Variants in FMO1 observed in about 807,000 individuals in gnomAD.
FMO1 encodes flavin-containing monooxygenase 1.
In FMO1, 36 loss-of-function variants were observed where a neutral mutation model predicts 45.4. That is an observed-to-expected ratio of 0.79 (90% confidence interval 0.61 to 1.05). The LOEUF (loss-of-function observed/expected upper bound fraction) is 1.05. FMO1 is among the 50% of genes least tolerant of loss of function. The pLI, the probability that FMO1 is intolerant of heterozygous loss-of-function variation, is 0.00. For synonymous variants in FMO1, 228 were observed against 227.2 expected, an observed-to-expected ratio of 1.00 and a Z score of -0.03; for missense variants, 615 against 640.3, an observed-to-expected ratio of 0.96 and a Z score of 0.43.
intron 8 of FMO1, 94 bp downstream of exon 8, chr1:171,283,310 GAA>G (rs28360426): frequency 3.0e-6 from 1 of 335,602 alleles, no homozygotes; most frequent in African/African-American, 3.9e-5. Flanking sequence ...AAATGAAAAA[GAA>G]AAAAAAACAA....
Position 171,263,748 on chromosome 1 carries a change from T to G in FMO1, c.133-3795T>G, listed in dbSNP as rs546270894. Among the ~76,000 whole-genome samples, 448 of 152,236 alleles carry G rather than the reference T, an allele frequency of 2.9e-3. 2 individuals carry two copies. Among genetic ancestry groups the G allele is most frequent in the African/African-American group, 9.7e-3 (402 of 41,542 alleles). ...TTCCACACTCGGAGTTCAAGGCAACTGGTGGACCCCCCACCAGGTACAATT... is the reference window on the plus strand; with the variant it reads ...TTCCACACTCGGAGTTCAAGGCAACGGGTGGACCCCCCACCAGGTACAATT... On this transcript the variant is annotated intron_variant, in intron 2 of 8. Coordinates refer to ENST00000617670, the MANE Select transcript of FMO1 (RefSeq NM_001282693.2).
intron 3 of FMO1, chr1:171,271,568 CT>C: frequency 2.5e-6 from 2 of 805,316 alleles, no homozygotes; most frequent in Non-Finnish European, 4.4e-6. Flanking sequence ...CTCTTGGCTT[CT>C]TAGAATCTCC....
intron 1 of FMO1, among the ~76,000 whole-genome samples, chr1:171,248,969 T>C (rs1350135972): frequency 2.6e-5 from 3 of 114,564 alleles, no homozygotes; most frequent in African/African-American, 1.0e-4. Flanking sequence ...AGGAAAAGTC[T>C]CTTTTTTTTT....
intron 4 of FMO1, among the ~76,000 whole-genome samples, chr1:171,276,758 A>T (rs970932546): frequency 2.0e-5 from 3 of 152,176 alleles, no homozygotes; most frequent in African/African-American, 7.2e-5. Context: ...AATACCCTAA[A>T]CATACACCTC....
intron 7 of FMO1, chr1:171,282,887 T>C (rs1661423736): frequency 7.7e-6 from 3 of 391,330 alleles, no homozygotes; most frequent in African/African-American, 2.1e-5. Flanking sequence ...AGTGACAACA[T>C]TCAGCCAAAC....
chr1:171,279,740 C>T (rs1661278143), intron 5 of FMO1, among the ~76,000 whole-genome samples: 1 of 152,174 alleles, frequency 6.6e-6, no homozygotes, highest in Non-Finnish European at 1.5e-5. Flanking sequence ...TCTAATTATT[C>T]TCTTTACCTG....
chr1:171,275,442 T>A lies in FMO1; in HGVS notation c.418T>A (p.Phe140Ile). The A allele has an allele frequency of 6.2e-7, 1 of 1,613,676 alleles. No homozygotes were observed. Among genetic ancestry groups the A allele is most frequent in the South Asian group, 1.1e-5 (1 of 91,054 alleles). ...MHEEKQESAI[F>I]DAVMVCTGFL... ...TGAAGAGAAGCAAGAGTCAGCCATCTTTGATGCTGTCATGGTCTGCACTGG... is the reference window on the plus strand; with the variant it reads ...TGAAGAGAAGCAAGAGTCAGCCATCATTGATGCTGTCATGGTCTGCACTGG... Residue 140 changes from phenylalanine (F) to isoleucine (I), a missense_variant, in exon 4 of 9, where the codon TTT (phenylalanine) becomes ATT (isoleucine). Physicochemically the swap from Phe to Ile is conservative, Grantham distance 21. Coordinates refer to ENST00000617670, the MANE Select transcript of FMO1 (RefSeq NM_001282693.2).
In FMO1 at chr1:171,267,801, A is replaced by G. The variant is rs1660680086; in HGVS notation, c.321+70A>G. The G allele has an allele frequency of 4.1e-6, 5 of 1,221,986 alleles. No homozygotes were observed. In the South Asian group the frequency reaches 7.1e-5, roughly 17 times the overall value. 75.7% of individuals were successfully genotyped at this position (1,221,986 alleles called of 1,614,324 possible). ...CTATTTTCTCTTATCTCTCCAGCCT[A>G]GCCCTGGGCTCTGTAGATGAGATAC... On this transcript the variant is annotated intron_variant, in intron 3 of 8. Coordinates refer to ENST00000617670, the MANE Select transcript of FMO1 (RefSeq NM_001282693.2).
intron 1 of FMO1, chr1:171,251,854 G>C (rs1659911206): frequency 6.6e-6 from 1 of 151,744 alleles, no homozygotes; most frequent in African/African-American, 2.4e-5. Flanking sequence ...TTCATTCATC[G>C]CGTGGTCAGG....
intron 3 of FMO1, among the ~76,000 whole-genome samples, chr1:171,273,765 C>T (rs1324183594): frequency 6.6e-6 from 1 of 152,180 alleles, no homozygotes; most frequent in Admixed American, 6.5e-5. Flanking sequence ...TATCCTCCTG[C>T]CTTGGCCTCC....
intron 1 of FMO1, chr1:171,257,696 T>A: frequency 1.2e-5 from 3 of 252,188 alleles, no homozygotes; most frequent in Non-Finnish European, 2.3e-5. Context: ...AGAGATTGTG[T>A]CTGACAAGGT....
chr1:171,276,570 A>G (rs28360403), intron 4 of FMO1, among the ~76,000 whole-genome samples: 474 of 152,326 alleles, frequency 3.1e-3, no homozygotes, highest in Non-Finnish European at 4.2e-3. Context: ...GCAAGAATCC[A>G]GAAAGTTCCA....
intron 3 of FMO1, among the ~76,000 whole-genome samples, chr1:171,272,206 T>G (rs1660900492): frequency 1.3e-5 from 2 of 152,214 alleles, no homozygotes. Flanking sequence ...CCTGGCAGCC[T>G]CCACATTGTA....
chr1:171,276,766 C>G (rs1661128347), intron 4 of FMO1, among the ~76,000 whole-genome samples: 1 of 152,116 alleles, frequency 6.6e-6, no homozygotes, highest in Non-Finnish European at 1.5e-5. Flanking sequence ...AAACATACAC[C>G]TCTCATGGTC....
intron 2 of FMO1, among the ~76,000 whole-genome samples, chr1:171,260,985 T>TATCAA (rs1228117646): frequency 6.9e-6 from 1 of 144,368 alleles, no homozygotes; most frequent in African/African-American, 2.6e-5. Context: ...GTAAGAGGAA[T>TATCAA]ATCAAGCAGT....
In FMO1 at chr1:171,281,102, T is replaced by C. The variant is rs963651582; in HGVS notation, c.827+117T>C. On this transcript the variant is annotated intron_variant, in intron 6 of 8. Transcript: ENST00000617670. Reference sequence around the variant, plus strand: ...TGGCTGAATGTGTGGGAACACTTGATACAAATTTGCTTGATAATAACAGCT... The same window carrying C: ...TGGCTGAATGTGTGGGAACACTTGACACAAATTTGCTTGATAATAACAGCT... 5 of 781,396 alleles carry C rather than the reference T, an allele frequency of 6.4e-6. 1 individual carries two copies. In the Middle Eastern group the frequency reaches 7.1e-4, roughly 111 times the overall value. 48.4% of individuals were successfully genotyped at this position (781,396 alleles called of 1,614,324 possible).
rs989221274 is a variant in FMO1, at chr1:171,267,414, T to C, written c.133-129T>C. The C allele has an allele frequency of 8.6e-5, 51 of 593,026 alleles. No homozygotes were observed. The Admixed American group carries it at 1.1e-3, about 13-fold the overall frequency. The allele number at this position is 593,026 out of a possible 1,614,324, so 36.7% of individuals were successfully genotyped here. On this transcript the variant is annotated intron_variant, in intron 2 of 8. Coordinates refer to ENST00000617670, the MANE Select transcript of FMO1 (RefSeq NM_001282693.2). ...CATCATTCAAATAAATACTACTTCCTGATTCTCATGTATTTCTATATTCTC... is the reference window on the plus strand; with the variant it reads ...CATCATTCAAATAAATACTACTTCCCGATTCTCATGTATTTCTATATTCTC...
intron 3 of FMO1, among the ~76,000 whole-genome samples, chr1:171,270,022 GC>G (rs1441803500): frequency 1.3e-5 from 2 of 152,108 alleles, no homozygotes; most frequent in African/African-American, 4.8e-5. Context: ...ATTTAATATG[GC>G]AGTCCTGCAT....
intron 4 of FMO1, 139 bp downstream of exon 4, chr1:171,275,647 T>A (rs955673112): frequency 1.6e-6 from 1 of 623,094 alleles, no homozygotes; most frequent in South Asian, 2.7e-5. Flanking sequence ...TTTTGTTTTG[T>A]TTTGTTTTTT....
Sources: gnomAD v4.1 joint callset for allele counts (sites outside exome capture counted in the v4.1 genomes callset) on GRCh38, gnomAD v4.1.1 for gene constraint, MANE v1.5 for transcripts, NCBI Gene and HGNC (gene_info 2026-07-23, HGNC 2026-07-21) for gene names.